NTM: variants seen among roughly 807,000 people sequenced by gnomAD.
NTM encodes IgLON family member 2.
NTM carries 13 observed loss-of-function variants against 42.1 expected under a neutral mutation model. The ratio of observed to expected loss-of-function variants is 0.31; its 90% CI spans 0.20 to 0.49. The LOEUF is 0.49. Ranked by LOEUF, NTM falls within the 20% of genes least tolerant of loss-of-function variation. NTM has a pLI of 0.99. For synonymous variants in NTM, 187 were observed against 179.2 expected (o/e 1.04, Z -0.35); for missense variants, 373 against 452.8 (o/e 0.82, Z 1.60).
intron 1 of NTM, among the ~76,000 whole-genome samples, chr11:131,509,627 A>T (rs1199754921): frequency 2.0e-5 from 3 of 152,224 alleles, no homozygotes; most frequent in Non-Finnish European, 4.4e-5. Flanking sequence ...TTGGTGAGAC[A>T]GTTTATCTCC....
At chr11:132,187,801 C>A (rs1298581173) in intron 3 of NTM, among the ~76,000 whole-genome samples, 1 of 152,098 alleles carries the variant, frequency 6.6e-6, no homozygotes, top group Non-Finnish European at 1.5e-5. Context: ...ACTTTCTGAG[C>A]CTAACAAGTG....
At chr11:131,493,531 C>T (rs894487080) in intron 1 of NTM, among the ~76,000 whole-genome samples, 23 of 152,126 alleles carry the variant, frequency 1.5e-4, no homozygotes, top group African/African-American at 5.6e-4. Context: ...TTTTCTTCAG[C>T]TCCTGAATGG....
intron 7 of NTM, 65 bp downstream of exon 7, chr11:132,314,768 G>A: frequency 1.3e-6 from 2 of 1,513,810 alleles, no homozygotes; most frequent in African/African-American, 1.4e-5. Flanking sequence ...AGCTGGGTGG[G>A]AGGGCCCCTC....
intron 1 of NTM, among the ~76,000 whole-genome samples, chr11:131,868,074 A>G (rs1220527833): frequency 6.6e-6 from 1 of 152,218 alleles, no homozygotes; most frequent in Non-Finnish European, 1.5e-5. Context: ...AACTAAATAC[A>G]TCGTACCTTG....
At chr11:131,805,198 T>C (rs577723859) in intron 1 of NTM, among the ~76,000 whole-genome samples, 5 of 152,188 alleles carry the variant, frequency 3.3e-5, no homozygotes, top group Non-Finnish European at 7.3e-5. Flanking sequence ...AAGCATGAAA[T>C]CAGGACCAGC....
intron 1 of NTM, among the ~76,000 whole-genome samples, chr11:131,870,506 T>C (rs1244479304): frequency 6.6e-6 from 1 of 152,152 alleles, no homozygotes; most frequent in Non-Finnish European, 1.5e-5. Flanking sequence ...GTCTGGAGCT[T>C]AGCCTAGCCT....
At chr11:132,116,969 G>T (rs981817978) in intron 2 of NTM, among the ~76,000 whole-genome samples, 2 of 152,194 alleles carry the variant, frequency 1.3e-5, no homozygotes, top group African/African-American at 4.8e-5. Context: ...GGACAACACA[G>T]AGCTTCTTAT....
intron 3 of NTM, among the ~76,000 whole-genome samples, chr11:132,170,017 G>A (rs1187366052): frequency 6.6e-6 from 1 of 152,212 alleles, no homozygotes; most frequent in Non-Finnish European, 1.5e-5. Context: ...ACTCTGGGAT[G>A]GAGAGGGAAC....
intron 3 of NTM, among the ~76,000 whole-genome samples, chr11:132,158,936 G>A (rs753236727): frequency 1.3e-5 from 2 of 152,172 alleles, no homozygotes; most frequent in South Asian, 2.1e-4. Context: ...TGATAGAGGC[G>A]CACCACAGCC....
chr11:131,373,738 C>G (rs543808710), intron 1 of NTM, among the ~76,000 whole-genome samples: 1 of 152,284 alleles, frequency 6.6e-6, no homozygotes, highest in Non-Finnish European at 1.5e-5. Context: ...GACCATTTCT[C>G]CTTCGAAGGA....
intron 3 of NTM, among the ~76,000 whole-genome samples, chr11:132,166,778 C>G (rs111504434): frequency 2.6e-5 from 4 of 152,184 alleles, no homozygotes; most frequent in African/African-American, 9.7e-5. Flanking sequence ...AAGATTCCAC[C>G]TCTCAGGAAT....
chr11:132,111,368 T>C (rs2063179278), intron 2 of NTM, among the ~76,000 whole-genome samples: 1 of 152,116 alleles, frequency 6.6e-6, no homozygotes, highest in Non-Finnish European at 1.5e-5. Context: ...TTAAAAGTTT[T>C]AGAAAACAAA....
intron 2 of NTM, among the ~76,000 whole-genome samples, chr11:132,118,566 C>T (rs1049419536): frequency 1.3e-5 from 2 of 152,208 alleles, no homozygotes; most frequent in African/African-American, 4.8e-5. Flanking sequence ...AGGACAGCTA[C>T]TGCTGTTTTG....
chr11:132,205,834 A>G (rs1226648205), intron 3 of NTM, among the ~76,000 whole-genome samples: 1 of 152,164 alleles, frequency 6.6e-6, no homozygotes, highest in African/African-American at 2.4e-5. Flanking sequence ...CTGCTAACAT[A>G]ATAGTAATAT....
intron 8 of NTM, among the ~76,000 whole-genome samples, chr11:132,333,093 C>T (rs995311517): frequency 6.6e-6 from 1 of 152,154 alleles, no homozygotes; most frequent in Non-Finnish European, 1.5e-5. Context: ...TTAAGGACTC[C>T]AGTGTGCAGG....
At chr11:132,197,436 A>G (rs2080422120) in intron 3 of NTM, among the ~76,000 whole-genome samples, 1 of 151,360 alleles carries the variant, frequency 6.6e-6, no homozygotes, top group Non-Finnish European at 1.5e-5. Context: ...CTAAATTACC[A>G]TTTGTCATAA....
At chr11:132,088,776 G>A (rs2060046871) in intron 2 of NTM, among the ~76,000 whole-genome samples, 1 of 152,148 alleles carries the variant, frequency 6.6e-6, no homozygotes. Context: ...GACTTGTGTG[G>A]GTCAGAGGTT....
intron 1 of NTM, among the ~76,000 whole-genome samples, chr11:131,441,897 C>T (rs539957407): frequency 8.5e-4 from 130 of 152,106 alleles, no homozygotes; most frequent in Non-Finnish European, 1.7e-3. Context: ...GATGTTCTTC[C>T]AGGAGATAGG....
intron 1 of NTM, among the ~76,000 whole-genome samples, chr11:131,449,245 G>A (rs561555983): frequency 2.0e-5 from 3 of 151,322 alleles, no homozygotes; most frequent in East Asian, 2.3e-4. Flanking sequence ...AAGGACAGCC[G>A]GGGACTGCTG....
Sources: gnomAD v4.1 joint callset for allele counts (sites outside exome capture counted in the v4.1 genomes callset) on GRCh38, gnomAD v4.1.1 for gene constraint, MANE v1.5 for transcripts, NCBI Gene and HGNC (gene_info 2026-07-23, HGNC 2026-07-21) for gene names.